MDGA2: variants seen among roughly 807,000 people sequenced by gnomAD.
MDGA2 encodes the protein MAM domain containing glycosylphosphatidylinositol anchor 2, also known as MAM domain-containing glycosylphosphatidylinositol anchor protein 2.
A neutral mutation model predicts 117.8 loss-of-function variants in MDGA2; 40 were observed. The ratio of observed to expected loss-of-function variants is 0.34; its 90% confidence interval spans 0.26 to 0.44. MDGA2 has a LOEUF of 0.44. MDGA2 is among the 20% of genes least tolerant of loss of function. The probability of loss-of-function intolerance (pLI) is 1.00; values close to 1 mark genes in which losing one functional copy is unlikely to be tolerated. For missense variants in MDGA2, 1,123 were observed against 1,250.6 expected (o/e 0.90, Z 1.54); for synonymous variants, 452 against 439.0 (o/e 1.03, Z -0.37).
At chr14:47,535,742 C>T (rs1895197741) in intron 1 of MDGA2, among the ~76,000 whole-genome samples, 1 of 152,174 alleles carries the variant, frequency 6.6e-6, no homozygotes, top group African/African-American at 2.4e-5. Flanking sequence ...TCTTTAACTT[C>T]CAGTACAATA....
At chr14:46,850,718 G>A (rs1182316499) in intron 15 of MDGA2, among the ~76,000 whole-genome samples, 3 of 151,856 alleles carry the variant, frequency 2.0e-5, no homozygotes, top group Non-Finnish European at 4.4e-5. Context: ...TTTCCCTGGG[G>A]AAACTACCCA....
chr14:46,839,741 A>G (rs542560474), downstream of MDGA2, among the ~76,000 whole-genome samples: 6 of 152,124 alleles, frequency 3.9e-5, no homozygotes, highest in East Asian at 3.9e-4. Flanking sequence ...ATTCATTCAA[A>G]TAAGTTATGA....
intron 10 of MDGA2, among the ~76,000 whole-genome samples, chr14:46,886,251 CT>C (rs1407558522): frequency 1.3e-5 from 2 of 152,016 alleles, no homozygotes; most frequent in East Asian, 3.9e-4. Context: ...GGAAAATGAT[CT>C]ATACCTCAAT....
chr14:46,909,059 A>AT (rs1317860870), intron 10 of MDGA2, among the ~76,000 whole-genome samples: 1 of 152,056 alleles, frequency 6.6e-6, no homozygotes, highest in Non-Finnish European at 1.5e-5. Context: ...CTAACCGTTA[A>AT]TTTTTTGTCT....
chr14:47,480,536 A>T (rs1555326279), intron 1 of MDGA2, among the ~76,000 whole-genome samples: 4 of 151,982 alleles, frequency 2.6e-5, no homozygotes, highest in Non-Finnish European at 5.9e-5. Context: ...ATAATTCCAT[A>T]TTTTTTCCTA....
intron 8 of MDGA2, among the ~76,000 whole-genome samples, chr14:46,967,784 A>C (rs1886093860): frequency 6.6e-6 from 1 of 152,214 alleles, no homozygotes; most frequent in African/African-American, 2.4e-5. Context: ...ATACATACCT[A>C]TGATAAATTT....
intron 10 of MDGA2, among the ~76,000 whole-genome samples, chr14:46,903,899 C>A (rs961705847): frequency 1.1e-4 from 16 of 152,028 alleles, no homozygotes; most frequent in Admixed American, 5.2e-4. Flanking sequence ...TGTATTCATG[C>A]TTTCTGTATG....
intron 1 of MDGA2, among the ~76,000 whole-genome samples, chr14:47,557,296 A>G (rs28566055): frequency 0.62 from 93,587 of 151,978 alleles, 30,109 homozygotes; most frequent in East Asian, 0.98. Flanking sequence ...TTGAGGATGG[A>G]CACGTTTTAG....
intron 1 of MDGA2, among the ~76,000 whole-genome samples, chr14:47,664,211 ATACT>A (rs552331089): frequency 4.2e-4 from 64 of 152,358 alleles, no homozygotes; most frequent in African/African-American, 1.2e-3. Context: ...CATATTTATA[ATACT>A]TAAAGTGTTT....
chr14:47,634,085 T>C (rs1217926230), intron 1 of MDGA2, among the ~76,000 whole-genome samples: 3 of 152,128 alleles, frequency 2.0e-5, no homozygotes, highest in Non-Finnish European at 4.4e-5. Context: ...AAAATGTTTG[T>C]ATAGTTTGAC....
In MDGA2 at chr14:47,124,983, T is replaced by C. The variant is rs945273889; in HGVS notation, c.925+6731A>G. On this transcript the variant is annotated intron_variant, in intron 5 of 16. Transcript: ENST00000399232. ...CTATGGCAGCCCAAGCTGACTAACA[T>C]AGGACATCATCATACGTATACCATC... is the stretch of plus-strand genomic sequence containing the variant. 5.9e-5 allele frequency among the ~76,000 whole-genome samples: 9 copies of C among 152,110 alleles called. No homozygotes were observed. The East Asian group carries it at 7.7e-4, about 13-fold the overall frequency.
chr14:47,039,193 A>T (rs1376168468), intron 7 of MDGA2, among the ~76,000 whole-genome samples: 4 of 152,220 alleles, frequency 2.6e-5, no homozygotes, highest in Non-Finnish European at 4.4e-5. Flanking sequence ...ATAACAAATT[A>T]TAACTTTATT....
chr14:47,101,073 G>T (rs1166358700), intron 5 of MDGA2, among the ~76,000 whole-genome samples: 5 of 135,606 alleles, frequency 3.7e-5, no homozygotes, highest in African/African-American at 1.4e-4. Flanking sequence ...TGAATGGAGG[G>T]ACGATAGATA....
intron 10 of MDGA2, among the ~76,000 whole-genome samples, chr14:46,896,042 G>C (rs927095265): frequency 1.3e-5 from 2 of 152,096 alleles, no homozygotes; most frequent in Admixed American, 6.6e-5. Flanking sequence ...TATACACTTT[G>C]ATGGATTATT....
chr14:47,626,769 T>G (rs1027338878), intron 1 of MDGA2, among the ~76,000 whole-genome samples: 32 of 152,212 alleles, frequency 2.1e-4, no homozygotes, highest in Non-Finnish European at 4.4e-5. Flanking sequence ...GCTCGGGACC[T>G]GCAGCCCGCC....
At chr14:47,124,869 A>G (rs749017848) in intron 5 of MDGA2, among the ~76,000 whole-genome samples, 6 of 151,982 alleles carry the variant, frequency 3.9e-5, no homozygotes, top group Non-Finnish European at 7.4e-5. Context: ...CCAGAAACCA[A>G]CCCTGATGGC....
chr14:46,842,375 T>C (rs1880650941), intron 16 of MDGA2, among the ~76,000 whole-genome samples: 1 of 152,108 alleles, frequency 6.6e-6, no homozygotes, highest in African/African-American at 2.4e-5. Context: ...CTTCAAAAAG[T>C]AGATTTTTTT....
intron 6 of MDGA2, among the ~76,000 whole-genome samples, chr14:47,088,460 C>T (rs1211366620): frequency 6.6e-6 from 1 of 152,052 alleles, no homozygotes; most frequent in Non-Finnish European, 1.5e-5. Flanking sequence ...TAGCCATCAT[C>T]ATTATAGTTT....
chr14:47,564,776 C>T (rs754497774), intron 1 of MDGA2, among the ~76,000 whole-genome samples: 3 of 152,206 alleles, frequency 2.0e-5, no homozygotes, highest in Non-Finnish European at 4.4e-5. Context: ...GGTCTCTTTA[C>T]ATCATCCAAT....
Sources: allele counts gnomAD v4.1 joint callset (sites outside exome capture counted in the v4.1 genomes callset), GRCh38; gene constraint gnomAD v4.1.1; transcripts MANE v1.5; gene names NCBI Gene and HGNC (gene_info 2026-07-23, HGNC 2026-07-21).